The following STON1 variants were observed in gnomAD, a reference collection of about 807,000 sequenced individuals.
The protein encoded by STON1 is stonin 1, also known as stonin-1.
Under a neutral mutation model 60.9 loss-of-function variants are expected in STON1, and 79 were observed. The observed-to-expected ratio is 1.30, with a 90% CI of 1.08 to 1.56. STON1 has a LOEUF of 1.56. Ranked by LOEUF, STON1 falls within the 40% of genes most tolerant of loss-of-function variation. The pLI is 0.00. For synonymous variants in STON1, 363 were observed against 306.9 expected, an observed-to-expected ratio of 1.18 and a Z score of -1.91; for missense variants, 1,166 against 858.9, an observed-to-expected ratio of 1.36 and a Z score of -4.47.
intron 1 of STON1, among the ~76,000 whole-genome samples, chr2:48,564,614 C>T (rs1313813737): frequency 2.0e-5 from 2 of 100,248 alleles, no homozygotes; most frequent in African/African-American, 7.5e-5. Flanking sequence ...TTCTCCTTCT[C>T]CTTCTCCTTC....
intron 2 of STON1, among the ~76,000 whole-genome samples, chr2:48,583,745 CT>C (rs1181470275): frequency 2.8e-5 from 4 of 143,784 alleles, no homozygotes; most frequent in South Asian, 2.2e-4. Flanking sequence ...TGATCCAAAT[CT>C]TTTTTTTCTT....
chr2:48,561,193 A>G (rs773698948), intron 1 of STON1, among the ~76,000 whole-genome samples: 14 of 152,132 alleles, frequency 9.2e-5, no homozygotes, highest in Non-Finnish European at 1.8e-4. Flanking sequence ...TTCCATGTGG[A>G]CATACCTCAG....
At position 48,590,732 on chromosome 2, in the gene STON1, A is replaced by C. The variant is rs530285050; in HGVS notation, c.1931-921A>C. On this transcript the variant is annotated intron_variant, in intron 2 of 3. Coordinates refer to ENST00000404752, the MANE Select transcript of STON1 (RefSeq NM_006873.4). ...GGTCTGGCACTGAACCTGGCCTGGC[A>C]TAGCACAGATGCTCAATAAGTGACA... 1.1e-4 allele frequency among the ~76,000 whole-genome samples: 17 copies of C among 152,004 alleles called. 1 individual carries two copies. The highest frequency in any genetic ancestry group is 4.1e-4 in the African/African-American group (17 of 41,422).
At chr2:48,561,987 A>C (rs778190694) in intron 1 of STON1, among the ~76,000 whole-genome samples, 1 of 152,070 alleles carries the variant, frequency 6.6e-6, no homozygotes, top group Non-Finnish European at 1.5e-5. Flanking sequence ...CAGCCTCCCG[A>C]GTAGCTGGGA....
intron 1 of STON1, among the ~76,000 whole-genome samples, chr2:48,550,846 C>G (rs909657526): frequency 4.6e-5 from 7 of 151,768 alleles, no homozygotes; most frequent in Non-Finnish European, 1.0e-4. Flanking sequence ...CAAGGCATTA[C>G]TTTATCTTTA....
intron 1 of STON1, among the ~76,000 whole-genome samples, chr2:48,565,296 C>T (rs1045576882): frequency 1.3e-5 from 2 of 152,096 alleles, no homozygotes; most frequent in African/African-American, 4.8e-5. Flanking sequence ...TCGTGATCCA[C>T]CCGCCTCGGC....
chr2:48,551,153 A>G (rs922763429), intron 1 of STON1, among the ~76,000 whole-genome samples: 33 of 152,162 alleles, frequency 2.2e-4, no homozygotes, highest in Middle Eastern at 6.3e-3. Context: ...TGGAATTAAC[A>G]TCTATGCTCT....
chr2:48,588,968 G>C (rs953255881), intron 2 of STON1, among the ~76,000 whole-genome samples: 3 of 152,268 alleles, frequency 2.0e-5, no homozygotes, highest in East Asian at 3.9e-4. Context: ...GGGTGATAGA[G>C]AGAGAAAGAG....
Position 48,580,981 on chromosome 2 carries a change from A to C in STON1, c.348A>C (p.Ile116=), listed in dbSNP as rs767733728. The stretch of plus-strand genomic sequence containing the variant: ...CATCTTCAGACAGCCCACTCGCAAT[A>C]TCAGGAGGAGAATCTTCCTTACTGC... ...PESSSDSPLA[I]SGGESSLLPT... Residue 116 remains isoleucine (I), a synonymous_variant, in exon 2 of 4, where the codon ATA becomes ATC. Coordinates refer to ENST00000404752, the MANE Select transcript of STON1 (RefSeq NM_006873.4). 1.9e-6 allele frequency: 3 copies of C among 1,575,388 alleles called. No homozygotes were observed. The highest frequency in any genetic ancestry group is 2.6e-6 in the Non-Finnish European group (3 of 1,164,628).
At position 48,582,111 on chromosome 2, in the gene STON1, T is replaced by C; in HGVS notation, c.1478T>C (p.Val493Ala). 6.8e-6 allele frequency: 11 copies of C among 1,614,240 alleles called. No homozygotes were observed. Among genetic ancestry groups the C allele is most frequent in the Non-Finnish European group, 9.3e-6 (11 of 1,180,034 alleles). Residue 493 changes from valine (V) to alanine (A), a missense_variant, in exon 2 of 4, where the codon GTA (valine) becomes GCA (alanine). Transcript: ENST00000404752. ...LDYHFHKCVN[V>A]QEFEQSRIIK... Reference sequence around the variant, plus strand: ...TACCATTTTCATAAGTGTGTGAATGTACAAGAATTTGAGCAATCAAGAATC... The same window carrying C: ...TACCATTTTCATAAGTGTGTGAATGCACAAGAATTTGAGCAATCAAGAATC...
intron 1 of STON1, among the ~76,000 whole-genome samples, chr2:48,577,318 C>T (rs915343477): frequency 9.9e-5 from 15 of 152,096 alleles, no homozygotes; most frequent in African/African-American, 3.6e-4. Context: ...CGCGGTGGCT[C>T]ATCCCTATAA....
chr2:48,563,285 A>G (rs537920536), intron 1 of STON1, among the ~76,000 whole-genome samples: 3 of 152,192 alleles, frequency 2.0e-5, no homozygotes, highest in Non-Finnish European at 4.4e-5. Flanking sequence ...GCCATTCTCA[A>G]TGCCCAGAGG....
At chr2:48,552,882 T>C (rs553736608) in intron 1 of STON1, among the ~76,000 whole-genome samples, 2 of 152,296 alleles carry the variant, frequency 1.3e-5, no homozygotes, top group Non-Finnish European at 2.9e-5. Flanking sequence ...AAAATCACAA[T>C]TTAATATTTT....
chr2:48,577,671 A>G (rs1265643528), intron 1 of STON1, among the ~76,000 whole-genome samples: 2 of 151,636 alleles, frequency 1.3e-5, no homozygotes, highest in Middle Eastern at 3.4e-3. Flanking sequence ...GCTGGAGTGC[A>G]GTGGCACAAT....
At chr2:48,553,354 C>A (rs907651372) in intron 1 of STON1, among the ~76,000 whole-genome samples, 6 of 150,968 alleles carry the variant, frequency 4.0e-5, no homozygotes, top group Admixed American at 2.6e-4. Context: ...GTAGACCCTT[C>A]CCTTCCCTTC....
rs147529374 is a variant in STON1 at position 48,558,714 on chromosome 2, C to T, written c.-47-21873C>T. On this transcript the variant is annotated intron_variant, in intron 1 of 3. Coordinates refer to ENST00000404752, the MANE Select transcript of STON1 (RefSeq NM_006873.4). The stretch of plus-strand genomic sequence containing the variant: ...AGTGGCAAAGGGCTTGTTTGCTGCC[C>T]TATGTCTTTACTCAAGCAGATGTCC... Among the ~76,000 whole-genome samples the T allele has an allele frequency of 7.1e-3, 1,074 of 152,254 alleles. 6 individuals carry two copies. Among genetic ancestry groups the T allele is most frequent in the Non-Finnish European group, 0.011 (738 of 68,012 alleles).
intron 1 of STON1, among the ~76,000 whole-genome samples, chr2:48,579,230 C>G (rs1300808880): frequency 6.6e-6 from 1 of 151,978 alleles, no homozygotes; most frequent in Non-Finnish European, 1.5e-5. Context: ...GTCTCGAACT[C>G]CTGACCTCAG....
intron 1 of STON1, among the ~76,000 whole-genome samples, chr2:48,554,366 C>T (rs552603751): frequency 1.8e-3 from 276 of 152,238 alleles, no homozygotes; most frequent in African/African-American, 6.1e-3. Context: ...GGATTACAGG[C>T]GTGCACCACC....
At chr2:48,564,415 T>TCTTCTTCCTCTTCTC (rs1558603919) in intron 1 of STON1, among the ~76,000 whole-genome samples, 1 of 31,064 alleles carries the variant, frequency 3.2e-5, no homozygotes, top group Non-Finnish European at 7.3e-5. Context: ...GTCTTCTTCT[T>TCTTCTTCCTCTTCTC]CTTCTTCTTC....
Sources: gnomAD v4.1 joint callset for allele counts (sites outside exome capture counted in the v4.1 genomes callset) on GRCh38, gnomAD v4.1.1 for gene constraint, MANE v1.5 for transcripts, NCBI Gene and HGNC (gene_info 2026-07-23, HGNC 2026-07-21) for gene names.